The following SP3 variants were observed in gnomAD, a reference collection of about 807,000 sequenced individuals.
The protein encoded by SP3 is Sp3 transcription factor, also known as transcription factor Sp3.
A neutral mutation model predicts 70.3 loss-of-function variants in SP3; 10 were observed. That is an observed-to-expected ratio of 0.14 (90% CI 0.09 to 0.24). SP3 has a LOEUF of 0.24. Among genes scored for constraint, SP3 ranks in the 10% least tolerant of loss-of-function variants. SP3 has a pLI of 1.00. For synonymous variants in SP3, 402 were observed against 333.5 expected (o/e 1.21, Z -2.24); for missense variants, 825 against 914.6 (o/e 0.90, Z 1.26).
chr2:173,933,685 T>C (rs1431342137), intron 4 of SP3, among the ~76,000 whole-genome samples: 4 of 120,678 alleles, frequency 3.3e-5, no homozygotes, highest in Admixed American at 1.7e-4. Flanking sequence ...AGTTATAAAG[T>C]AACATTTATA....
chr2:173,923,027 G>T (rs1044691973), intron 4 of SP3, among the ~76,000 whole-genome samples: 1 of 152,176 alleles, frequency 6.6e-6, no homozygotes, highest in Admixed American at 6.5e-5. Context: ...ATAAAGAAAT[G>T]AATGTGCTGA....
rs911770491 is a variant in SP3, at chr2:173,918,782, A to G, written c.1643T>C (p.Ile548Thr). Residue 548 changes from isoleucine to threonine, a missense_variant, in exon 5 of 7, where the codon ATT (isoleucine) becomes ACT (threonine). Around this residue, in one of 4 missense-constraint regions of SP3, gnomAD observed 678 missense variants for 651.6 expected, o/e 1.04. Coordinates refer to ENST00000310015, the MANE Select transcript of SP3 (RefSeq NM_003111.5). ...ATCAGGTTCTTCTTCCTTGATCCTAATATCTAAAGGGAAAAAAAAACCAAA... is the reference window on the plus strand; with the variant it reads ...ATCAGGTTCTTCTTCCTTGATCCTAGTATCTAAAGGGAAAAAAAAACCAAA... ...PGENADSPAD[I>T]RIKEEEPDPE... 1.2e-6 allele frequency: 2 copies of G among 1,606,496 alleles called. No homozygotes were observed. Among genetic ancestry groups the G allele is most frequent in the Non-Finnish European group, 1.7e-6 (2 of 1,176,910 alleles).
At chr2:173,945,901 G>A (rs897182419) in intron 4 of SP3, among the ~76,000 whole-genome samples, 1 of 152,186 alleles carries the variant, frequency 6.6e-6, no homozygotes, top group South Asian at 2.1e-4. Flanking sequence ...TGATGTGGAC[G>A]GATCATTTGA....
chr2:173,919,021 T>C (rs1157554735), intron 4 of SP3, among the ~76,000 whole-genome samples: 2 of 152,194 alleles, frequency 1.3e-5, no homozygotes, highest in African/African-American at 4.8e-5. Flanking sequence ...AATTAGTTCA[T>C]ATGTCCCTTT....
At chr2:173,932,892 T>C (rs1690105415) in intron 4 of SP3, among the ~76,000 whole-genome samples, 1 of 152,074 alleles carries the variant, frequency 6.6e-6, no homozygotes, top group Non-Finnish European at 1.5e-5. Context: ...CTCGGGAGGC[T>C]GAGGCAGGAG....
In SP3 at chr2:173,904,409, TAAG is replaced by T. The variant is rs1187515876; in HGVS notation, c.*5529_*5531del. Among the ~76,000 whole-genome samples, 2 of 151,874 alleles carry T rather than the reference TAAG, an allele frequency of 1.3e-5. No homozygotes were observed. The highest frequency in any genetic ancestry group is 2.9e-5 in the Non-Finnish European group (2 of 68,016). ...GGTAGCAAGTAACAGCCTTCTGACTTAAGAAAAAACTAAGTTGGGGAGTCTCTC... is the reference window on the plus strand; with the variant it reads ...GGTAGCAAGTAACAGCCTTCTGACTTAAAAAACTAAGTTGGGGAGTCTCTC... On this transcript the variant is annotated 3_prime_UTR_variant, in exon 7 of 7. Transcript: ENST00000310015.
rs572912381 is a variant in SP3, at chr2:173,904,106, G to A, written c.*5835C>T. Among the ~76,000 whole-genome samples the A allele has an allele frequency of 1.4e-4, 21 of 152,160 alleles. No homozygotes were observed. The highest frequency in any genetic ancestry group is 2.5e-4 in the Non-Finnish European group (17 of 67,996). ...ATCCCTCGCATGCGGGGTTCACAAC[G>A]GGGTTCGCACTCCTATGAGAATCTA... On this transcript the variant is annotated 3_prime_UTR_variant, in exon 7 of 7. Transcript: ENST00000310015.
At chr2:173,927,345 C>T (rs974263952) in intron 4 of SP3, among the ~76,000 whole-genome samples, 6 of 151,310 alleles carry the variant, frequency 4.0e-5, no homozygotes, top group Non-Finnish European at 5.9e-5. Context: ...GTGTGATCTC[C>T]GCTCACTGCA....
rs116341896 is a variant in SP3 at position 173,937,984 on chromosome 2, G to A, written c.1639+16889C>T. 6.0e-3 allele frequency among the ~76,000 whole-genome samples: 920 copies of A among 152,276 alleles called. 4 individuals carry two copies. The highest frequency in any genetic ancestry group is 7.3e-3 in the Non-Finnish European group (495 of 68,020). On this transcript the variant is annotated intron_variant, in intron 4 of 6. Transcript: ENST00000310015. ...GTGTTAAAAAATGACTTTAGGGCAA[G>A]TCATTTAATTCTCCTAAATTCTCTC...
Position 173,903,077 on chromosome 2 carries a change from G to C in SP3, c.*6864C>G, listed in dbSNP as rs1317273651. ...ACTAGCAGTTTCGTTAATAAATGTT[G>C]GCTGACAATTAGGTGGATCAAGGTG... On this transcript the variant is annotated 3_prime_UTR_variant, in exon 7 of 7. Coordinates refer to ENST00000310015, the MANE Select transcript of SP3 (RefSeq NM_003111.5). Among the ~76,000 whole-genome samples the C allele has an allele frequency of 6.6e-6, 1 of 152,146 alleles. No individual in the cohort carries two copies. Among genetic ancestry groups the C allele is most frequent in the African/African-American group, 2.4e-5 (1 of 41,430 alleles).
At chr2:173,965,634 A>G (rs1691273188), upstream of SP3, 2 of 204,130 alleles carry the variant, frequency 9.8e-6, no homozygotes, top group Non-Finnish European at 2.0e-5. Flanking sequence ...GGCCTCCTCC[A>G]CCTTGCAGGC....
rs1276001602 is a variant in SP3 at position 173,905,374 on chromosome 2, T to C, written c.*4567A>G. Among the ~76,000 whole-genome samples, 1 of 152,168 alleles carries C rather than the reference T, an allele frequency of 6.6e-6. No homozygotes were observed. The highest frequency in any genetic ancestry group is 1.5e-5 in the Non-Finnish European group (1 of 68,030). On this transcript the variant is annotated 3_prime_UTR_variant, in exon 7 of 7. Coordinates refer to ENST00000310015, the MANE Select transcript of SP3 (RefSeq NM_003111.5). ...CAATCCTATCAACAGGGAGTACTAT[T>C]GTTAGCCTCTTCATGGATGATGAAA...
rs753052830 is a variant in SP3, at chr2:173,955,637, G to C, written c.875C>G (p.Ala292Gly). ...TCCTGTGTTTATCAAATGTCCGTCGGCATTAATGCCTGCAGTCATTGTCTG... is the reference window on the plus strand; with the variant it reads ...TCCTGTGTTTATCAAATGTCCGTCGCCATTAATGCCTGCAGTCATTGTCTG... ...SSQTMTAGIN[A>G]DGHLINTGQA... Residue 292 changes from alanine to glycine, a missense_variant, in exon 4 of 7, where the codon GCC becomes GGC. Transcript: ENST00000310015. 2 of 1,614,186 alleles carry C rather than the reference G, an allele frequency of 1.2e-6. No individual in the cohort carries two copies. Among genetic ancestry groups the C allele is most frequent in the East Asian group, 2.2e-5 (1 of 44,886 alleles).
At chr2:173,926,707 A>G (rs1005053851) in intron 4 of SP3, among the ~76,000 whole-genome samples, 3 of 152,242 alleles carry the variant, frequency 2.0e-5, no homozygotes, top group Admixed American at 2.0e-4. Flanking sequence ...AATTTTAAGA[A>G]TGTAAAAATG....
At chr2:173,942,121 G>A (rs1231966906) in intron 4 of SP3, among the ~76,000 whole-genome samples, 1 of 152,158 alleles carries the variant, frequency 6.6e-6, no homozygotes, top group Non-Finnish European at 1.5e-5. Context: ...TCTTAAACCA[G>A]CTGCACTTCA....
At position 173,901,694 on chromosome 2, in the gene SP3, C is replaced by CGT. The variant is rs1384072014; in HGVS notation, c.*8246_*8247insAC. Reference sequence around the variant, plus strand: ...AGGGAAACAGTTAGTTGGACTTAAGCCTTTTTTTTTTTTTTTTTTTTTTTT... The same window carrying CGT: ...AGGGAAACAGTTAGTTGGACTTAAGCGTCTTTTTTTTTTTTTTTTTTTTTTTT... On this transcript the variant is annotated 3_prime_UTR_variant, in exon 7 of 7. Transcript: ENST00000310015. 7.9e-6 allele frequency among the ~76,000 whole-genome samples: 1 copy of CGT among 126,568 alleles called. No homozygotes were observed. The highest frequency in any genetic ancestry group is 9.4e-5 in the Admixed American group (1 of 10,612). 83.0% of individuals were successfully genotyped at this position (126,568 alleles called of 152,430 possible). A position where few individuals can be genotyped will look rare whatever the true frequency, so the allele number is the denominator to read the frequency against.
In SP3 at chr2:173,942,909, CTATA is replaced by C. The variant is rs963522908; in HGVS notation, c.1639+11960_1639+11963del. Among the ~76,000 whole-genome samples, 21 of 152,042 alleles carry C rather than the reference CTATA, an allele frequency of 1.4e-4. No homozygotes were observed. In the East Asian group the frequency reaches 3.9e-3, roughly 28 times the overall value. On this transcript the variant is annotated intron_variant, in intron 4 of 6. Transcript: ENST00000310015. ...ATATAAAATTTAAAATACAGTACAA[CTATA>C]TATATAGCATTTACATTATATTAGG...
chr2:173,923,949 T>C (rs1559094292), intron 4 of SP3, among the ~76,000 whole-genome samples: 10 of 152,086 alleles, frequency 6.6e-5, no homozygotes. Context: ...AAGTTTTTTT[T>C]CAACTTTTCT....
At chr2:173,924,481 T>A (rs990708464) in intron 4 of SP3, among the ~76,000 whole-genome samples, 1 of 152,354 alleles carries the variant, frequency 6.6e-6, no homozygotes, top group Admixed American at 6.5e-5. Context: ...CTCTCTCCAA[T>A]GATGAATATG....
Sources: allele counts gnomAD v4.1 joint callset (sites outside exome capture counted in the v4.1 genomes callset), GRCh38; gene constraint gnomAD v4.1.1; regional missense constraint gnomAD v4.1.1; transcripts MANE v1.5; gene names NCBI Gene and HGNC (gene_info 2026-07-23, HGNC 2026-07-21).